NRXN1: variants seen among roughly 807,000 people sequenced by gnomAD.
The protein encoded by NRXN1 is neurexin-1.
In NRXN1, 39 loss-of-function variants were observed where a neutral mutation model predicts 150.9. That is an observed-to-expected ratio of 0.26 (90% CI 0.20 to 0.34). The LOEUF (loss-of-function observed/expected upper bound fraction) is 0.34, where lower values mean the gene tolerates loss of function less well. Ranked by LOEUF, NRXN1 falls within the 10% of genes least tolerant of loss-of-function variation. NRXN1 has a pLI of 1.00. For missense variants in NRXN1, 1,815 were observed against 1,949.9 expected (o/e 0.93, Z 1.30); for synonymous variants, 924 against 757.0 (o/e 1.22, Z -3.62).
intron 17 of NRXN1, among the ~76,000 whole-genome samples, chr2:50,322,541 T>C (rs1278059045): frequency 6.6e-6 from 1 of 152,180 alleles, no homozygotes; most frequent in East Asian, 1.9e-4. Context: ...ATGATGCTAC[T>C]CTGTAAGTAT....
At chr2:50,789,284 T>C (rs543266370) in intron 5 of NRXN1, among the ~76,000 whole-genome samples, 6 of 152,278 alleles carry the variant, frequency 3.9e-5, no homozygotes, top group Admixed American at 2.6e-4. Context: ...ATGCCTGCAA[T>C]GCTCAAACGG....
intron 17 of NRXN1, among the ~76,000 whole-genome samples, chr2:50,281,346 A>G (rs2071437700): frequency 7.4e-6 from 1 of 135,130 alleles, no homozygotes; most frequent in Non-Finnish European, 1.6e-5. Context: ...ATAATCCATA[A>G]TAGTAGAACA....
At chr2:50,624,429 C>A (rs1189209507) in intron 5 of NRXN1, among the ~76,000 whole-genome samples, 1 of 152,084 alleles carries the variant, frequency 6.6e-6, no homozygotes, top group Non-Finnish European at 1.5e-5. Context: ...TTTCAACATT[C>A]TCTCCATCCA....
At chr2:50,474,002 CTATA>C (rs1192912572) in intron 15 of NRXN1, among the ~76,000 whole-genome samples, 4 of 151,824 alleles carry the variant, frequency 2.6e-5, no homozygotes, top group Non-Finnish European at 5.9e-5. Context: ...AGTTTTATAA[CTATA>C]TAATTTGCAT....
At chr2:50,026,449 C>G (rs558758609) in intron 21 of NRXN1, among the ~76,000 whole-genome samples, 18 of 152,258 alleles carry the variant, frequency 1.2e-4, no homozygotes, top group African/African-American at 4.3e-4. Context: ...CCATTTCCTT[C>G]ACATGGTTAT....
intron 17 of NRXN1, among the ~76,000 whole-genome samples, chr2:50,250,768 G>C (rs1337211892): frequency 6.6e-6 from 1 of 151,656 alleles, no homozygotes; most frequent in Non-Finnish European, 1.5e-5. Flanking sequence ...ATCTTTATGA[G>C]AAATAAAATC....
At chr2:50,773,248 T>C (rs1488930227) in intron 5 of NRXN1, among the ~76,000 whole-genome samples, 1 of 152,158 alleles carries the variant, frequency 6.6e-6, no homozygotes, top group Non-Finnish European at 1.5e-5. Context: ...CCTCATTAAT[T>C]CTATTTATTC....
chr2:50,478,310 T>A (rs1483458697), intron 15 of NRXN1, among the ~76,000 whole-genome samples: 1 of 152,204 alleles, frequency 6.6e-6, no homozygotes, highest in African/African-American at 2.4e-5. Context: ...TCTAATCTAT[T>A]TGAGCTTACA....
intron 18 of NRXN1, among the ~76,000 whole-genome samples, chr2:50,193,906 C>T (rs534209572): frequency 1.1e-4 from 16 of 152,036 alleles, no homozygotes; most frequent in Non-Finnish European, 2.1e-4. Flanking sequence ...AACGTGAATC[C>T]TACACTGTTG....
At chr2:50,064,919 C>T (rs1695131254) in intron 19 of NRXN1, among the ~76,000 whole-genome samples, 3 of 152,068 alleles carry the variant, frequency 2.0e-5, no homozygotes, top group Non-Finnish European at 2.9e-5. Flanking sequence ...TAAAGAGCAG[C>T]GAGGGGCTTG....
chr2:50,055,686 C>T (rs1209604504), intron 19 of NRXN1, among the ~76,000 whole-genome samples: 2 of 152,170 alleles, frequency 1.3e-5, no homozygotes, highest in East Asian at 1.9e-4. Flanking sequence ...TACGTTATTA[C>T]AGGAAAAGGC....
chr2:50,697,985 A>C (rs140124227), intron 5 of NRXN1, among the ~76,000 whole-genome samples: 42 of 151,178 alleles, frequency 2.8e-4, no homozygotes, highest in African/African-American at 9.3e-4. Context: ...CTAAATAACA[A>C]CACAACCCCA....
intron 5 of NRXN1, among the ~76,000 whole-genome samples, chr2:50,903,271 G>A (rs980750547): frequency 1.3e-5 from 2 of 151,956 alleles, no homozygotes; most frequent in African/African-American, 2.4e-5. Context: ...ACCAGACCTC[G>A]CCAACCTAAA....
intron 17 of NRXN1, among the ~76,000 whole-genome samples, chr2:50,401,054 T>C (rs187748987): frequency 1.1e-4 from 16 of 152,262 alleles, no homozygotes; most frequent in Admixed American, 8.5e-4. Flanking sequence ...CTCAGAAAAG[T>C]GGGTTAACCA....
At chr2:50,037,775 G>A (rs1213896096) in intron 21 of NRXN1, among the ~76,000 whole-genome samples, 1 of 152,038 alleles carries the variant, frequency 6.6e-6, no homozygotes, top group Non-Finnish European at 1.5e-5. Context: ...GATTTTTCAG[G>A]GTTGTGTAAG....
intron 7 of NRXN1, among the ~76,000 whole-genome samples, chr2:50,620,581 C>T (rs1272477592): frequency 1.3e-5 from 2 of 152,128 alleles, no homozygotes; most frequent in Non-Finnish European, 1.5e-5. Context: ...CTAATCACAA[C>T]GTGCACCTTG....
chr2:50,239,272 G>A (rs762463594), intron 17 of NRXN1, among the ~76,000 whole-genome samples: 4 of 151,758 alleles, frequency 2.6e-5, no homozygotes, highest in Non-Finnish European at 5.9e-5. Flanking sequence ...ATCTCTGAGT[G>A]CTGATACTTA....
At chr2:50,976,865 A>G (rs66971536) in intron 2 of NRXN1, among the ~76,000 whole-genome samples, 35,043 of 151,974 alleles carry the variant, frequency 0.23, 4,322 homozygotes, top group Non-Finnish European at 0.28. Flanking sequence ...CTTGGGATTC[A>G]TATTAAGATA....
chr2:50,311,626 T>A lies in NRXN1; in HGVS notation c.3365-74656A>T, dbSNP rs559095985. Reference sequence around the variant, plus strand: ...AAAAGGACCCTAGAATTATCTTCATTGCTATCTCATGATGACCTTTTCATA... The same window carrying A: ...AAAAGGACCCTAGAATTATCTTCATAGCTATCTCATGATGACCTTTTCATA... On this transcript the variant is annotated intron_variant, in intron 17 of 22. Coordinates refer to ENST00000401669, the MANE Select transcript of NRXN1 (RefSeq NM_001330078.2). Among the ~76,000 whole-genome samples the A allele has an allele frequency of 2.0e-4, 30 of 152,264 alleles. No individual in the cohort carries two copies. In the South Asian group the frequency reaches 5.8e-3, roughly 29 times the overall value.
Sources: allele counts gnomAD v4.1 joint callset (sites outside exome capture counted in the v4.1 genomes callset), GRCh38; gene constraint gnomAD v4.1.1; transcripts MANE v1.5; gene names NCBI Gene and HGNC (gene_info 2026-07-23, HGNC 2026-07-21).